MID2: variants seen among roughly 807,000 people sequenced by gnomAD.
The protein encoded by MID2 is midline 2.
MID2 carries 13 observed loss-of-function variants against 46.1 expected under a neutral mutation model. The ratio of observed to expected loss-of-function variants is 0.28; its 90% CI spans 0.18 to 0.45. The LOEUF (loss-of-function observed/expected upper bound fraction) is 0.45, where lower values mean the gene tolerates loss of function less well. Ranked by LOEUF, MID2 falls within the 20% of genes least tolerant of loss-of-function variation. The pLI is 1.00. For missense variants in MID2, 431 were observed against 575.4 expected, an observed-to-expected ratio of 0.75 and a Z score of 2.57; for synonymous variants, 199 against 212.3, an observed-to-expected ratio of 0.94 and a Z score of 0.55.
chrX:107,884,554 A>G (rs1180108933), intron 3 of MID2, among the ~76,000 whole-genome samples: 1 of 112,648 alleles, frequency 8.9e-6, no homozygotes, highest in Admixed American at 9.4e-5. Context: ...CTTACAATCC[A>G]GACTTTTTCC....
intron 2 of MID2, among the ~76,000 whole-genome samples, chrX:107,852,993 G>A (rs1021644455): frequency 6.1e-4 from 68 of 111,473 alleles, no homozygotes; most frequent in African/African-American, 2.2e-3. Flanking sequence ...AGACTTTATG[G>A]GGTATTGGGA....
At chrX:107,865,022 T>C (rs963556826) in intron 3 of MID2, among the ~76,000 whole-genome samples, 2 of 112,479 alleles carry the variant, frequency 1.8e-5, no homozygotes, top group African/African-American at 6.5e-5. Flanking sequence ...CATATGATTC[T>C]CATTCTCATT....
At chrX:107,841,632 G>A (rs191318010) in intron 2 of MID2, among the ~76,000 whole-genome samples, 30 of 112,496 alleles carry the variant, frequency 2.7e-4, no homozygotes, top group Admixed American at 4.7e-4. Context: ...AACACCAGTA[G>A]TTCATCCAGG....
intron 3 of MID2, among the ~76,000 whole-genome samples, chrX:107,896,512 A>G (rs1932737296): frequency 8.8e-6 from 1 of 113,043 alleles, no homozygotes; most frequent in East Asian, 2.8e-4. Flanking sequence ...GCATAATGCC[A>G]TTCCTAAGGC....
chrX:107,904,261 A>G (rs1158811834), intron 4 of MID2, among the ~76,000 whole-genome samples, 196 bp downstream of exon 4: 1 of 111,893 alleles, frequency 8.9e-6, no homozygotes, highest in Non-Finnish European at 1.9e-5. Flanking sequence ...GAAACGTTCT[A>G]TATCTTGACC....
At chrX:107,898,067 G>A (rs919566374) in intron 3 of MID2, among the ~76,000 whole-genome samples, 6 of 111,318 alleles carry the variant, frequency 5.4e-5, no homozygotes, top group Non-Finnish European at 5.7e-5. Context: ...GGCAATAATG[G>A]GAAGTGGGAA....
Position 107,926,178 on chromosome X carries a change from G to A in MID2, c.1682G>A (p.Ser561Asn). The A allele has an allele frequency of 8.3e-7, 1 of 1,207,817 alleles. No homozygotes were observed. The highest frequency in any genetic ancestry group is 1.7e-5 in the African/African-American group (1 of 57,382). Reference protein sequence around the residue: ...NDGLQMEKDESSLKKSHTPER... With the variant: ...NDGLQMEKDENSLKKSHTPER... ...GGATTGCAGATGGAGAAGGATGAAAGCTCTCTAAAGAAGAGCCACACCCCA... is the reference window on the plus strand; with the variant it reads ...GGATTGCAGATGGAGAAGGATGAAAACTCTCTAAAGAAGAGCCACACCCCA... The change falls in exon 9 of 10, where the codon AGC becomes AAC. Residue 561 changes from serine to asparagine, a missense_variant. Transcript: ENST00000262843.
intron 2 of MID2, among the ~76,000 whole-genome samples, chrX:107,845,525 A>ACACACTCT (rs1276957001): frequency 2.2e-4 from 16 of 72,944 alleles, no homozygotes; most frequent in African/African-American, 9.8e-4. Flanking sequence ...ACACACACAC[A>ACACACTCT]CTCTCTCTCT....
At chrX:107,826,577 C>A in intron 1 of MID2, 147 bp downstream of exon 1, 1 of 732,080 alleles carries the variant, frequency 1.4e-6, no homozygotes, top group Non-Finnish European at 1.8e-6. Context: ...GGTGATGGGG[C>A]CCGCGAGGCT....
chrX:107,878,718 A>G (rs1448862239), intron 3 of MID2, among the ~76,000 whole-genome samples: 1 of 112,020 alleles, frequency 8.9e-6, no homozygotes, highest in Non-Finnish European at 1.9e-5. Flanking sequence ...GACCCATGTG[A>G]AGGGAAGCAG....
chrX:107,876,245 A>G (rs1225251437), intron 3 of MID2, among the ~76,000 whole-genome samples: 5 of 111,308 alleles, frequency 4.5e-5, no homozygotes, highest in Non-Finnish European at 9.4e-5. Flanking sequence ...TCTCTATTAT[A>G]AAAGATCAAG....
At chrX:107,878,210 C>T (rs943524984) in intron 3 of MID2, among the ~76,000 whole-genome samples, 8 of 110,592 alleles carry the variant, frequency 7.2e-5, no homozygotes, top group Admixed American at 6.7e-4. Context: ...GTCCCTGGGC[C>T]CCAAGACTGC....
At chrX:107,838,874 T>C (rs111246065) in intron 1 of MID2, among the ~76,000 whole-genome samples, 1,525 of 111,854 alleles carry the variant, frequency 0.014, 20 homozygotes, top group African/African-American at 0.046. Context: ...TGGGAGGCTG[T>C]GGTGGGCAGA....
chrX:107,842,019 A>G (rs1356202089), intron 2 of MID2, among the ~76,000 whole-genome samples: 1 of 112,880 alleles, frequency 8.9e-6, no homozygotes. Flanking sequence ...AAAACAAAAC[A>G]AAGAACTGAA....
chrX:107,862,158 G>A (rs763329135), intron 3 of MID2, among the ~76,000 whole-genome samples: 16 of 111,729 alleles, frequency 1.4e-4, no homozygotes, highest in African/African-American at 4.9e-4. Flanking sequence ...GTAGCAGGAG[G>A]AGGAGGAGGA....
At chrX:107,873,840 G>A (rs182456377) in intron 3 of MID2, among the ~76,000 whole-genome samples, 1 of 111,573 alleles carries the variant, frequency 9.0e-6, no homozygotes, top group African/African-American at 3.3e-5. Context: ...TATTTAATGG[G>A]ACTCCCATTA....
At chrX:107,904,302 G>C (rs1043470013) in intron 4 of MID2, among the ~76,000 whole-genome samples, 1 of 111,736 alleles carries the variant, frequency 8.9e-6, no homozygotes, top group African/African-American at 3.3e-5. Flanking sequence ...GTAGGCAAAA[G>C]TTCATTGAGC....
chrX:107,918,694 T>A (rs1933015729), intron 7 of MID2, among the ~76,000 whole-genome samples: 1 of 111,679 alleles, frequency 9.0e-6, no homozygotes, highest in South Asian at 3.8e-4. Flanking sequence ...CCCATGTAAC[T>A]ATGTTCCTGG....
At chrX:107,833,669 G>A (rs759812282) in intron 1 of MID2, among the ~76,000 whole-genome samples, 1 of 111,734 alleles carries the variant, frequency 8.9e-6, no homozygotes, top group Admixed American at 9.5e-5. Flanking sequence ...ATTATGCAAA[G>A]TACAGATCAC....
Sources: gnomAD v4.1 joint callset for allele counts (sites outside exome capture counted in the v4.1 genomes callset) on GRCh38, gnomAD v4.1.1 for gene constraint, MANE v1.5 for transcripts, NCBI Gene and HGNC (gene_info 2026-07-23, HGNC 2026-07-21) for gene names.